Variants in PKIB observed in about 807,000 individuals in gnomAD.
The protein encoded by PKIB is cAMP-dependent protein kinase inhibitor beta.
A neutral mutation model predicts 4.5 loss-of-function variants in PKIB; 2 were observed. That is an observed-to-expected ratio of 0.44 (90% CI 0.18 to 1.39). The LOEUF is 1.39. Ranked by LOEUF, PKIB falls within the 40% of genes most tolerant of loss-of-function variation. The pLI is 0.27. For synonymous variants in PKIB, 38 were observed against 36.0 expected, an observed-to-expected ratio of 1.06 and a Z score of -0.20; for missense variants, 94 against 92.6, an observed-to-expected ratio of 1.02 and a Z score of -0.06.
intron 3 of PKIB, among the ~76,000 whole-genome samples, chr6:122,709,523 C>T (rs1210846111): frequency 2.7e-5 from 4 of 150,846 alleles, no homozygotes; most frequent in South Asian, 2.1e-4. Flanking sequence ...CTATAAAATA[C>T]GTTATATTTT....
chr6:122,537,256 T>A (rs1777435161), intron 2 of PKIB, among the ~76,000 whole-genome samples: 1 of 152,122 alleles, frequency 6.6e-6, no homozygotes, highest in African/African-American at 2.4e-5. Flanking sequence ...CATGTTGGTG[T>A]GCTGCACCCA....
intron 3 of PKIB, among the ~76,000 whole-genome samples, chr6:122,682,939 C>T (rs1777957397): frequency 6.6e-6 from 1 of 152,178 alleles, no homozygotes; most frequent in African/African-American, 2.4e-5. Context: ...TATTCAACAT[C>T]ATTACTAGAG....
intron 3 of PKIB, among the ~76,000 whole-genome samples, chr6:122,698,873 A>C (rs1300330821): frequency 6.6e-6 from 1 of 152,202 alleles, no homozygotes; most frequent in Non-Finnish European, 1.5e-5. Context: ...GTTTTTTGAC[A>C]GTATCAGGGA....
intron 2 of PKIB, among the ~76,000 whole-genome samples, chr6:122,653,447 G>A (rs945376244): frequency 5.3e-5 from 8 of 151,942 alleles, no homozygotes; most frequent in East Asian, 1.9e-4. Context: ...AAATTGCTCC[G>A]ACAGGATTGC....
At chr6:122,692,715 A>G (rs1562305205) in intron 3 of PKIB, among the ~76,000 whole-genome samples, 2 of 152,192 alleles carry the variant, frequency 1.3e-5, no homozygotes, top group South Asian at 4.1e-4. Context: ...TTTGGTTCTT[A>G]TAAAGGTGTA....
chr6:122,536,853 T>C (rs1428124966), intron 2 of PKIB, among the ~76,000 whole-genome samples: 4 of 148,162 alleles, frequency 2.7e-5, no homozygotes, highest in East Asian at 3.9e-4. Context: ...CAAAGAAATA[T>C]AGCAGGCATA....
At chr6:122,575,755 G>A (rs1773512612) in intron 2 of PKIB, among the ~76,000 whole-genome samples, 1 of 152,172 alleles carries the variant, frequency 6.6e-6, no homozygotes, top group Non-Finnish European at 1.5e-5. Flanking sequence ...AATGGACTTT[G>A]TGGACTCAGA....
intron 3 of PKIB, among the ~76,000 whole-genome samples, chr6:122,715,709 A>G (rs565818763): frequency 6.6e-6 from 1 of 151,498 alleles, no homozygotes; most frequent in South Asian, 2.1e-4. Context: ...AGATATATAT[A>G]TGTATATACA....
chr6:122,685,675 T>C (rs547417325), intron 3 of PKIB, among the ~76,000 whole-genome samples: 2 of 152,258 alleles, frequency 1.3e-5, no homozygotes, highest in South Asian at 2.1e-4. Context: ...TACACTCTTT[T>C]AGTTTAGAAT....
intron 3 of PKIB, among the ~76,000 whole-genome samples, chr6:122,716,762 C>T (rs139871904): frequency 2.2e-4 from 33 of 152,276 alleles, no homozygotes; most frequent in Non-Finnish European, 2.8e-4. Flanking sequence ...CCAAGGTTTA[C>T]ATATTTCTGC....
chr6:122,693,308 C>T (rs1778427572), intron 3 of PKIB, among the ~76,000 whole-genome samples: 3 of 152,198 alleles, frequency 2.0e-5, no homozygotes, highest in African/African-American at 7.2e-5. Flanking sequence ...TTACTCCCCA[C>T]CGCCCCCTGC....
At chr6:122,571,161 GA>G (rs1324425837) in intron 2 of PKIB, among the ~76,000 whole-genome samples, 7 of 152,110 alleles carry the variant, frequency 4.6e-5, no homozygotes, top group Admixed American at 3.3e-4. Flanking sequence ...TTCAGAGCTT[GA>G]AGACAAGGCT....
intron 3 of PKIB, among the ~76,000 whole-genome samples, chr6:122,715,649 G>GTA (rs138034261): frequency 0.26 from 38,182 of 146,686 alleles, 5,023 homozygotes; most frequent in South Asian, 0.33. Flanking sequence ...GGTATTTTAT[G>GTA]TATATATATA....
chr6:122,487,904 A>G (rs1409402617), intron 2 of PKIB, among the ~76,000 whole-genome samples: 3 of 152,178 alleles, frequency 2.0e-5, no homozygotes, highest in Non-Finnish European at 2.9e-5. Flanking sequence ...CAGTAAACAT[A>G]TGGTGCTGAT....
chr6:122,594,494 C>A (rs543430262), intron 3 of PKIB, among the ~76,000 whole-genome samples: 1 of 152,140 alleles, frequency 6.6e-6, no homozygotes, highest in African/African-American at 2.4e-5. Flanking sequence ...CATGAACCAC[C>A]GTGCATGGCC....
At chr6:122,606,406 C>T (rs1471391152), upstream of PKIB, among the ~76,000 whole-genome samples, 1 of 152,050 alleles carries the variant, frequency 6.6e-6, no homozygotes, top group African/African-American at 2.4e-5. Flanking sequence ...AACCCCGTCT[C>T]TGCAAAAATG....
intron 2 of PKIB, among the ~76,000 whole-genome samples, chr6:122,540,493 G>C (rs1417642984): frequency 1.3e-5 from 2 of 152,042 alleles, no homozygotes; most frequent in Non-Finnish European, 2.9e-5. Flanking sequence ...GAGTGGTTTT[G>C]AGTGAGTTTC....
rs78993986 is a variant in PKIB, at chr6:122,589,217, G to A, written c.-161+3210G>A. Among the ~76,000 whole-genome samples the A allele has an allele frequency of 4.9e-3, 741 of 152,194 alleles. 11 individuals carry two copies. Among genetic ancestry groups the A allele is most frequent in the East Asian group, 0.042 (215 of 5,176 alleles). ...GTGGAGAGAACTTAAATGTTTTTGC[G>A]TAGGGGAATGGTTAAATAAATGTTA... On this transcript the variant is annotated intron_variant, in intron 3 of 6. Coordinates refer to the PKIB transcript ENST00000392491.
intron 2 of PKIB, among the ~76,000 whole-genome samples, chr6:122,668,772 T>A (rs1199406772): frequency 6.6e-6 from 1 of 152,224 alleles, no homozygotes; most frequent in Non-Finnish European, 1.5e-5. Context: ...ACTCCCAAAC[T>A]CTTTCTTCTT....
Sources: allele counts gnomAD v4.1 joint callset (sites outside exome capture counted in the v4.1 genomes callset), GRCh38; gene constraint gnomAD v4.1.1; transcripts MANE v1.5; gene names NCBI Gene and HGNC (gene_info 2026-07-23, HGNC 2026-07-21).